The following ADAM9 variants were observed in gnomAD, a reference collection of about 807,000 sequenced individuals.
ADAM9 encodes the protein ADAM metallopeptidase domain 9.
Under a neutral mutation model 108.1 loss-of-function variants are expected in ADAM9, and 54 were observed. The ratio of observed to expected loss-of-function variants is 0.50; its 90% CI spans 0.40 to 0.63. The LOEUF (loss-of-function observed/expected upper bound fraction) is 0.63. Among genes scored for constraint, ADAM9 ranks in the 20% least tolerant of loss-of-function variants. The pLI, the probability that ADAM9 is intolerant of heterozygous loss-of-function variation, is 0.00. For synonymous variants in ADAM9, 316 were observed against 336.0 expected (o/e 0.94, Z 0.65); for missense variants, 830 against 997.7 (o/e 0.83, Z 2.26).
At chr8:39,096,358 G>T (rs1189202664) in intron 20 of ADAM9, among the ~76,000 whole-genome samples, 7 of 125,770 alleles carry the variant, frequency 5.6e-5, no homozygotes, top group East Asian at 3.0e-4. Flanking sequence ...TGATATCTTT[G>T]CAATTACATA....
Position 39,101,844 on chromosome 8 carries a change from A to ATT in ADAM9, c.2299-10_2299-9dup. On this transcript the variant is annotated intron_variant, in intron 20 of 21. Transcript: ENST00000487273. ...ATGAGCACATAGTGGTAATAACCTT[A>ATT]TTTTTTTTTTCTTTTTAGCCTATAT... is the stretch of plus-strand genomic sequence containing the variant. 9 of 1,477,994 alleles carry ATT rather than the reference A, an allele frequency of 6.1e-6. No homozygotes were observed. Among genetic ancestry groups the ATT allele is most frequent in the South Asian group, 1.2e-5 (1 of 83,770 alleles). The allele number at this position is 1,477,994 out of a possible 1,614,324, so 91.6% of individuals were successfully genotyped here.
At chr8:39,056,776 A>C (rs745776848) in intron 14 of ADAM9, among the ~76,000 whole-genome samples, 8 of 152,110 alleles carry the variant, frequency 5.3e-5, no homozygotes, top group Non-Finnish European at 1.2e-4. Flanking sequence ...GATTAGTGGC[A>C]TCAAGTATTC....
At chr8:39,064,248 A>G (rs1838388486) in intron 14 of ADAM9, among the ~76,000 whole-genome samples, 1 of 152,182 alleles carries the variant, frequency 6.6e-6, no homozygotes, top group South Asian at 2.1e-4. Context: ...TTTTGGAAAT[A>G]GAGTCATAAG....
chr8:39,089,080 C>G (rs1057289140), intron 18 of ADAM9, among the ~76,000 whole-genome samples: 2 of 152,062 alleles, frequency 1.3e-5, no homozygotes, highest in African/African-American at 4.8e-5. Context: ...AAACCTGTCT[C>G]TACTAATAAT....
intron 14 of ADAM9, among the ~76,000 whole-genome samples, chr8:39,061,326 A>C (rs1411763610): frequency 6.6e-6 from 1 of 152,128 alleles, no homozygotes; most frequent in African/African-American, 2.4e-5. Flanking sequence ...TGCATTCTGG[A>C]ATTGTGGGAA....
intron 18 of ADAM9, among the ~76,000 whole-genome samples, chr8:39,086,889 C>T (rs1043346576): frequency 6.6e-6 from 1 of 152,184 alleles, no homozygotes; most frequent in Admixed American, 6.5e-5. Flanking sequence ...CTGCTTAGTA[C>T]CACGTTAATT....
chr8:39,069,268 T>G (rs574418298), intron 14 of ADAM9, among the ~76,000 whole-genome samples: 2 of 152,218 alleles, frequency 1.3e-5, no homozygotes, highest in South Asian at 4.1e-4. Flanking sequence ...AACTACTTTC[T>G]GTGGGATTTT....
rs1839794961 is a variant in ADAM9 at position 39,104,296 on chromosome 8, AC to A, written c.*597del. On this transcript the variant is annotated 3_prime_UTR_variant, in exon 22 of 22. Coordinates refer to ENST00000487273, the MANE Select transcript of ADAM9 (RefSeq NM_003816.3). ...TAAGATGTCATATTATTTTGAAAGT[AC>A]AAAATATACTAAAAGAGTGTGTGTG... is the stretch of plus-strand genomic sequence containing the variant. The A allele has an allele frequency of 4.4e-6, 2 of 452,990 alleles. No homozygotes were observed. Among genetic ancestry groups the A allele is most frequent in the Admixed American group, 2.4e-5 (1 of 42,534 alleles). The allele number at this position is 452,990 out of a possible 1,614,324, so 28.1% of individuals were successfully genotyped here.
At chr8:39,035,088 C>T (rs979732202) in intron 11 of ADAM9, among the ~76,000 whole-genome samples, 1 of 152,140 alleles carries the variant, frequency 6.6e-6, no homozygotes. Context: ...GTGTGTTAGA[C>T]CTCACTATGT....
At chr8:39,066,386 T>C (rs1002636649) in intron 14 of ADAM9, among the ~76,000 whole-genome samples, 2 of 152,240 alleles carry the variant, frequency 1.3e-5, no homozygotes, top group African/African-American at 4.8e-5. Flanking sequence ...AAAGTGTTCC[T>C]ATTTCTCCAC....
chr8:39,064,717 CT>C (rs1247311468), intron 14 of ADAM9, among the ~76,000 whole-genome samples: 2 of 152,298 alleles, frequency 1.3e-5, no homozygotes, highest in Middle Eastern at 3.4e-3. Context: ...TTTCATGGAG[CT>C]TTCCTTTCGG....
At chr8:39,040,353 T>C (rs972046291) in intron 11 of ADAM9, among the ~76,000 whole-genome samples, 4 of 152,160 alleles carry the variant, frequency 2.6e-5, no homozygotes, top group African/African-American at 9.7e-5. Context: ...CTGGCCGTTA[T>C]CTCTTTTTGA....
In ADAM9 at chr8:39,080,724, C is replaced by T. The variant is rs183363761; in HGVS notation, c.1882-1917C>T. 7.6e-4 allele frequency among the ~76,000 whole-genome samples: 115 copies of T among 152,152 alleles called. 1 individual carries two copies. The highest frequency in any genetic ancestry group is 3.4e-3 in the Middle Eastern group (1 of 294). ...ACATTTATTTCCAGGACAAGCTAAA[C>T]GTGGGGTAGGGGGAAAAGTGGAAAA... On this transcript the variant is annotated intron_variant, in intron 16 of 21. Transcript: ENST00000487273.
intron 14 of ADAM9, among the ~76,000 whole-genome samples, chr8:39,067,433 A>T (rs1323227202): frequency 6.6e-6 from 1 of 151,990 alleles, no homozygotes; most frequent in African/African-American, 2.4e-5. Context: ...TTCATTGAGC[A>T]GTGGTTTGTA....
At chr8:39,007,177 G>A (rs1306609420) in intron 1 of ADAM9, among the ~76,000 whole-genome samples, 1 of 152,186 alleles carries the variant, frequency 6.6e-6, no homozygotes, top group African/African-American at 2.4e-5. Flanking sequence ...CATAAGGCAA[G>A]AGGAAGCAAG....
intron 20 of ADAM9, 126 bp downstream of exon 20, chr8:39,091,472 G>T: frequency 1.1e-6 from 1 of 902,958 alleles, no homozygotes. Flanking sequence ...CAAGAGTATT[G>T]TAGGTGGTCC....
At chr8:39,005,664 A>G (rs1450603713) in intron 1 of ADAM9, among the ~76,000 whole-genome samples, 4 of 152,200 alleles carry the variant, frequency 2.6e-5, no homozygotes, top group Admixed American at 6.5e-5. Context: ...TGCAGGGAAA[A>G]ACTCAGAAAC....
At chr8:38,998,637 C>G (rs1205478930) in intron 1 of ADAM9, among the ~76,000 whole-genome samples, 2 of 152,018 alleles carry the variant, frequency 1.3e-5, no homozygotes, top group Admixed American at 1.3e-4. Context: ...ATATGCTAAG[C>G]GCATCTGAGA....
chr8:39,098,440 G>T (rs995582617), intron 20 of ADAM9, among the ~76,000 whole-genome samples: 1 of 151,672 alleles, frequency 6.6e-6, no homozygotes, highest in African/African-American at 2.4e-5. Flanking sequence ...ACCTCTCTTT[G>T]GTATTTCCAA....
Sources: allele counts gnomAD v4.1 joint callset (sites outside exome capture counted in the v4.1 genomes callset), GRCh38; gene constraint gnomAD v4.1.1; transcripts MANE v1.5; gene names NCBI Gene and HGNC (gene_info 2026-07-23, HGNC 2026-07-21).